The following GABRB1 variants were observed in gnomAD, a reference collection of about 807,000 sequenced individuals.
The protein encoded by GABRB1 is gamma-aminobutyric acid receptor subunit beta-1.
A neutral mutation model predicts 51.6 loss-of-function variants in GABRB1; 17 were observed. The observed-to-expected ratio is 0.33, with a 90% CI of 0.23 to 0.49. The LOEUF is 0.49. Ranked by LOEUF, GABRB1 falls within the 20% of genes least tolerant of loss-of-function variation. GABRB1 has a pLI of 0.99. For missense variants in GABRB1, 410 were observed against 600.6 expected, an observed-to-expected ratio of 0.68 and a Z score of 3.32; for synonymous variants, 247 against 218.9, an observed-to-expected ratio of 1.13 and a Z score of -1.14.
chr4:47,360,459 AGCT>A (rs1336117239), intron 5 of GABRB1, among the ~76,000 whole-genome samples: 1 of 151,978 alleles, frequency 6.6e-6, no homozygotes, highest in Non-Finnish European at 1.5e-5. Context: ...AAGTTTGAAT[AGCT>A]GCCTGTGTTA....
At chr4:47,098,766 T>C (rs953969963) in intron 3 of GABRB1, among the ~76,000 whole-genome samples, 4 of 152,104 alleles carry the variant, frequency 2.6e-5, no homozygotes, top group Non-Finnish European at 4.4e-5. Context: ...CACTGTGATA[T>C]TGTACCATAT....
intron 5 of GABRB1, among the ~76,000 whole-genome samples, chr4:47,388,672 G>A (rs996506405): frequency 5.9e-5 from 9 of 152,110 alleles, no homozygotes; most frequent in Admixed American, 2.0e-4. Flanking sequence ...CCCAAAAAGT[G>A]GTAAAAGAAA....
chr4:47,191,851 A>G (rs1209995216), intron 4 of GABRB1, among the ~76,000 whole-genome samples: 2 of 152,118 alleles, frequency 1.3e-5, no homozygotes, highest in Non-Finnish European at 2.9e-5. Flanking sequence ...AATTAAATCA[A>G]ATTAGTAGAA....
At chr4:47,381,932 C>T (rs879907539) in intron 5 of GABRB1, among the ~76,000 whole-genome samples, 1 of 152,146 alleles carries the variant, frequency 6.6e-6, no homozygotes, top group African/African-American at 2.4e-5. Context: ...TTGTCAGATG[C>T]GAATTTCCCC....
chr4:47,297,426 A>G (rs1724049671), intron 4 of GABRB1, among the ~76,000 whole-genome samples: 1 of 151,752 alleles, frequency 6.6e-6, no homozygotes, highest in Non-Finnish European at 1.5e-5. Context: ...TAAAGGGGAT[A>G]TCACCACCAA....
At chr4:47,352,837 G>A (rs200552797) in intron 5 of GABRB1, among the ~76,000 whole-genome samples, 2 of 152,142 alleles carry the variant, frequency 1.3e-5, no homozygotes, top group East Asian at 3.8e-4. Flanking sequence ...GAGAGTATAG[G>A]ATGTTCAGAG....
intron 3 of GABRB1, among the ~76,000 whole-genome samples, chr4:47,086,921 G>A (rs1003437407): frequency 6.6e-5 from 10 of 152,176 alleles, no homozygotes; most frequent in African/African-American, 2.4e-4. Context: ...GCTGCAAAGT[G>A]TCACAATGTT....
Position 47,149,368 on chromosome 4 carries a change from T to G in GABRB1, c.241-11881T>G, listed in dbSNP as rs143149306. 4.1e-4 allele frequency among the ~76,000 whole-genome samples: 63 copies of G among 152,172 alleles called. 1 individual carries two copies. The East Asian group carries it at 0.012, about 28-fold the overall frequency. On this transcript the variant is annotated intron_variant, in intron 3 of 8. Transcript: ENST00000295454. ...TAGTTTTTAAAGTTTGTTAGGACTA[T>G]TACATACAGTATTTCAATTGATCAT...
chr4:47,224,929 T>C (rs1345540651), intron 4 of GABRB1, among the ~76,000 whole-genome samples: 2 of 152,168 alleles, frequency 1.3e-5, no homozygotes, highest in African/African-American at 4.8e-5. Flanking sequence ...AGTTTCATTC[T>C]TGTTGCTCAG....
intron 5 of GABRB1, among the ~76,000 whole-genome samples, chr4:47,399,831 CT>C (rs1728318854): frequency 6.6e-6 from 1 of 152,156 alleles, no homozygotes; most frequent in South Asian, 2.1e-4. Context: ...AAGTTCAATA[CT>C]TTTTCCGTTG....
At chr4:47,229,244 T>A (rs1333087991) in intron 4 of GABRB1, among the ~76,000 whole-genome samples, 1 of 152,178 alleles carries the variant, frequency 6.6e-6, no homozygotes, top group African/African-American at 2.4e-5. Flanking sequence ...TGAAAGAAAC[T>A]GAATGAATGT....
chr4:47,414,580 G>A (rs564832355), intron 8 of GABRB1, among the ~76,000 whole-genome samples: 114 of 152,330 alleles, frequency 7.5e-4, no homozygotes, highest in African/African-American at 2.5e-3. Flanking sequence ...CTTTAGCTTA[G>A]TGATTTGGGG....
At chr4:47,264,367 T>C (rs539399768) in intron 4 of GABRB1, among the ~76,000 whole-genome samples, 43 of 152,250 alleles carry the variant, frequency 2.8e-4, no homozygotes, top group Admixed American at 1.2e-3. Context: ...TGGCCCTATG[T>C]TATGGGGCAA....
chr4:47,163,399 C>A (rs1718045088), intron 4 of GABRB1, among the ~76,000 whole-genome samples: 1 of 151,930 alleles, frequency 6.6e-6, no homozygotes, highest in Non-Finnish European at 1.5e-5. Flanking sequence ...TAAAGTTGCT[C>A]AATTAAAAAT....
intron 3 of GABRB1, among the ~76,000 whole-genome samples, chr4:47,074,192 A>T (rs995540759): frequency 3.3e-5 from 5 of 152,342 alleles, no homozygotes; most frequent in Admixed American, 1.3e-4. Flanking sequence ...ACATCCCTAC[A>T]AGCAAATACA....
intron 3 of GABRB1, among the ~76,000 whole-genome samples, chr4:47,094,541 G>C (rs554236359): frequency 6.6e-6 from 1 of 151,956 alleles, no homozygotes; most frequent in Admixed American, 6.6e-5. Flanking sequence ...TAATTCTTAC[G>C]TGTTAAGATT....
intron 5 of GABRB1, among the ~76,000 whole-genome samples, chr4:47,388,343 G>A (rs541641319): frequency 2.0e-5 from 3 of 152,136 alleles, no homozygotes; most frequent in African/African-American, 4.8e-5. Flanking sequence ...TGAAGAAACC[G>A]GGCTCTAGAA....
chr4:47,019,679 C>CTTTCTTTG (rs1724863576), intron 1 of GABRB1, among the ~76,000 whole-genome samples: 5 of 126,930 alleles, frequency 3.9e-5, no homozygotes, highest in Middle Eastern at 8.2e-3. Flanking sequence ...TTCTTTCTTT[C>CTTTCTTTG]CTTCTTTCCT....
At chr4:47,144,265 A>G (rs1380516359) in intron 3 of GABRB1, among the ~76,000 whole-genome samples, 1 of 152,018 alleles carries the variant, frequency 6.6e-6, no homozygotes, top group Non-Finnish European at 1.5e-5. Flanking sequence ...CTAATAAATT[A>G]CCACAAAGTG....
Sources: gnomAD v4.1 joint callset for allele counts (sites outside exome capture counted in the v4.1 genomes callset) on GRCh38, gnomAD v4.1.1 for gene constraint, MANE v1.5 for transcripts, NCBI Gene and HGNC (gene_info 2026-07-23, HGNC 2026-07-21) for gene names.